NTM: variants seen among roughly 807,000 people sequenced by gnomAD.
NTM encodes IgLON family member 2.
A neutral mutation model predicts 42.1 loss-of-function variants in NTM; 13 were observed. That is an observed-to-expected ratio of 0.31 (90% CI 0.20 to 0.49). The LOEUF is 0.49. NTM is among the 20% of genes least tolerant of loss of function. The probability of loss-of-function intolerance (pLI) is 0.99; values close to 1 mark genes in which losing one functional copy is unlikely to be tolerated. For synonymous variants in NTM, 187 were observed against 179.2 expected (o/e 1.04, Z -0.35); for missense variants, 373 against 452.8 (o/e 0.82, Z 1.60).
chr11:132,023,769 G>A (rs952623191), intron 2 of NTM, among the ~76,000 whole-genome samples: 2 of 98,132 alleles, frequency 2.0e-5, no homozygotes, highest in Non-Finnish European at 4.9e-5. Context: ...GTTGGTGGTG[G>A]TTTTGTTGTT....
At chr11:132,294,392 G>A (rs1423461141) in intron 4 of NTM, among the ~76,000 whole-genome samples, 1 of 151,898 alleles carries the variant, frequency 6.6e-6, no homozygotes, top group Non-Finnish European at 1.5e-5. Flanking sequence ...CATGGAAGGT[G>A]CCATTCAAGT....
In NTM at chr11:131,423,805, A is replaced by C. The variant is rs114701922; in HGVS notation, c.82+52917A>C. ...AGTATCTCGTTCTGTCTGCATTGTC[A>C]GTCAGGGTGCAGCACCTTCCATCTC... On this transcript the variant is annotated intron_variant, in intron 1 of 8. Coordinates refer to ENST00000683400, the MANE Select transcript of NTM (RefSeq NM_001352005.2). Among the ~76,000 whole-genome samples the C allele has an allele frequency of 4.2e-3, 643 of 152,306 alleles. 9 individuals carry two copies. The highest frequency in any genetic ancestry group is 0.014 in the African/African-American group (577 of 41,578).
chr11:131,402,733 T>G (rs1317842695), intron 1 of NTM, among the ~76,000 whole-genome samples: 1 of 152,186 alleles, frequency 6.6e-6, no homozygotes, highest in East Asian at 1.9e-4. Flanking sequence ...CCAGGCAGAA[T>G]GACATATCCT....
intron 2 of NTM, among the ~76,000 whole-genome samples, chr11:132,137,524 T>C (rs962565587): frequency 6.6e-6 from 1 of 152,196 alleles, no homozygotes; most frequent in Non-Finnish European, 1.5e-5. Flanking sequence ...GAACCTGTAA[T>C]AGTCAGGGAT....
At chr11:131,374,442 C>CT (rs1941685743) in intron 1 of NTM, among the ~76,000 whole-genome samples, 1 of 152,200 alleles carries the variant, frequency 6.6e-6, no homozygotes, top group Admixed American at 6.5e-5. Context: ...TGATTCTTCC[C>CT]TTTTTTGGTT....
chr11:131,401,837 T>TATATATATATATAC (rs1945253392), intron 1 of NTM, among the ~76,000 whole-genome samples: 1 of 98,038 alleles, frequency 1.0e-5, no homozygotes, highest in Non-Finnish European at 2.2e-5. Flanking sequence ...TATATATATA[T>TATATATATATATAC]ATATATATAT....
chr11:132,028,745 T>C (rs890306879), intron 2 of NTM, among the ~76,000 whole-genome samples: 2 of 152,198 alleles, frequency 1.3e-5, no homozygotes, highest in African/African-American at 4.8e-5. Flanking sequence ...CATTAGGCTC[T>C]GGTAATATAA....
chr11:131,971,918 C>A (rs987775740), intron 2 of NTM, among the ~76,000 whole-genome samples: 4 of 151,552 alleles, frequency 2.6e-5, no homozygotes, highest in Admixed American at 6.6e-5. Context: ...TGGTGGTGGG[C>A]GCCTGTAGTC....
intron 1 of NTM, among the ~76,000 whole-genome samples, chr11:131,744,348 C>G (rs2081539966): frequency 6.6e-6 from 1 of 152,158 alleles, no homozygotes; most frequent in African/African-American, 2.4e-5. Flanking sequence ...TCTGCAAATA[C>G]ATGTTTTTCC....
chr11:131,519,129 T>C (rs2049264720), intron 1 of NTM, among the ~76,000 whole-genome samples: 1 of 152,354 alleles, frequency 6.6e-6, no homozygotes, highest in Non-Finnish European at 1.5e-5. Flanking sequence ...AGATGCGCTC[T>C]CCTCAGGGCC....
chr11:131,484,520 G>A (rs1383527164), intron 1 of NTM, among the ~76,000 whole-genome samples: 3 of 152,198 alleles, frequency 2.0e-5, no homozygotes, highest in Non-Finnish European at 1.5e-5. Context: ...TGAGACAGCT[G>A]AGGGGGCTGA....
At chr11:131,743,984 A>C (rs1210677257) in intron 1 of NTM, among the ~76,000 whole-genome samples, 1 of 152,190 alleles carries the variant, frequency 6.6e-6, no homozygotes, top group African/African-American at 2.4e-5. Flanking sequence ...TTAGTTCTTA[A>C]GATGAGACCC....
chr11:131,482,080 G>A (rs756772435), intron 1 of NTM, among the ~76,000 whole-genome samples: 5 of 152,194 alleles, frequency 3.3e-5, no homozygotes, highest in Non-Finnish European at 5.9e-5. Flanking sequence ...TTGGAATTGG[G>A]CCAAGGGACC....
chr11:131,377,104 A>T (rs959217061), intron 1 of NTM, among the ~76,000 whole-genome samples: 1 of 152,180 alleles, frequency 6.6e-6, no homozygotes, highest in African/African-American at 2.4e-5. Flanking sequence ...ATGATGATGG[A>T]TGGCAGGGAA....
At chr11:131,435,553 TTC>T (rs1397727786) in intron 1 of NTM, among the ~76,000 whole-genome samples, 1 of 152,236 alleles carries the variant, frequency 6.6e-6, no homozygotes, top group East Asian at 1.9e-4. Flanking sequence ...TTTGTAGCAA[TTC>T]TGAATGGGAG....
At chr11:132,270,009 C>A (rs907695223) in intron 4 of NTM, among the ~76,000 whole-genome samples, 3 of 152,190 alleles carry the variant, frequency 2.0e-5, no homozygotes, top group Admixed American at 2.0e-4. Context: ...AACATTCCTT[C>A]ATGTCTCTTT....
intron 4 of NTM, among the ~76,000 whole-genome samples, chr11:132,295,603 C>A (rs1217086354): frequency 1.3e-5 from 2 of 152,162 alleles, no homozygotes; most frequent in Non-Finnish European, 2.9e-5. Flanking sequence ...TTGAAGGCTG[C>A]ATAGACATTT....
At chr11:131,702,285 T>C (rs989860706) in intron 1 of NTM, among the ~76,000 whole-genome samples, 1 of 152,256 alleles carries the variant, frequency 6.6e-6, no homozygotes, top group Admixed American at 6.5e-5. Flanking sequence ...AGTACGGTAG[T>C]GATGAAGTGC....
chr11:131,567,135 A>G (rs898991291), intron 1 of NTM, among the ~76,000 whole-genome samples: 1 of 152,022 alleles, frequency 6.6e-6, no homozygotes, highest in African/African-American at 2.4e-5. Context: ...CCTCATCACC[A>G]GAGAGACCCT....
Sources: gnomAD v4.1 joint callset for allele counts (sites outside exome capture counted in the v4.1 genomes callset) on GRCh38, gnomAD v4.1.1 for gene constraint, MANE v1.5 for transcripts, NCBI Gene and HGNC (gene_info 2026-07-23, HGNC 2026-07-21) for gene names.